The following CCPG1 variants were observed in gnomAD, a reference collection of about 807,000 sequenced individuals.
CCPG1 encodes the protein cell cycle progression 1, also known as cell cycle progression protein 1.
Under a neutral mutation model 81.3 loss-of-function variants are expected in CCPG1, and 46 were observed. The observed-to-expected ratio is 0.57, with a 90% CI of 0.45 to 0.72. The LOEUF is 0.72. Among genes scored for constraint, CCPG1 ranks in the 30% least tolerant of loss-of-function variants. The pLI, the probability that CCPG1 is intolerant of heterozygous loss-of-function variation, is 0.00. For synonymous variants in CCPG1, 330 were observed against 305.2 expected (o/e 1.08, Z -0.85); for missense variants, 902 against 937.6 (o/e 0.96, Z 0.50).
Position 55,400,452 on chromosome 15 carries a change from G to A in CCPG1, c.-10+7769C>T, listed in dbSNP as rs1335044087. Among the ~76,000 whole-genome samples, 3 of 150,986 alleles carry A rather than the reference G, an allele frequency of 2.0e-5. No homozygotes were observed. The East Asian group carries it at 5.9e-4, about 30-fold the overall frequency. ...GAGCCCAGGAGGTGGGGGTTGCAGT[G>A]AGCCGAGATCACACCACTGCACTAA... is the stretch of plus-strand genomic sequence containing the variant. On this transcript the variant is annotated intron_variant, in intron 1 of 8. Coordinates refer to ENST00000442196, the MANE Select transcript of CCPG1 (RefSeq NM_001204450.2).
intron 6 of CCPG1, among the ~76,000 whole-genome samples, chr15:55,369,198 G>T (rs2056396187): frequency 6.6e-6 from 1 of 151,948 alleles, no homozygotes; most frequent in African/African-American, 2.4e-5. Flanking sequence ...AAACGGCTCT[G>T]AAATCAACTC....
intron 3 of CCPG1, among the ~76,000 whole-genome samples, chr15:55,379,161 C>CGTGT (rs57640801): frequency 0.038 from 5,101 of 134,704 alleles, 135 homozygotes; most frequent in East Asian, 0.059. Flanking sequence ...TGTATATGTA[C>CGTGT]GTGTGTGTGT....
chr15:55,362,449 T>C (rs2141246828), intron 7 of CCPG1, among the ~76,000 whole-genome samples: 1 of 152,130 alleles, frequency 6.6e-6, no homozygotes, highest in Non-Finnish European at 1.5e-5. Flanking sequence ...AGAGAACAAA[T>C]AAAGATTTAA....
intron 1 of CCPG1, among the ~76,000 whole-genome samples, chr15:55,404,735 G>C (rs1005879376): frequency 3.9e-5 from 6 of 152,072 alleles, no homozygotes; most frequent in African/African-American, 1.4e-4. Flanking sequence ...AGTTCAAAGA[G>C]ACCAGCCTGG....
chr15:55,359,366 C>T, intron 8 of CCPG1, 173 bp downstream of exon 8: 5 of 1,376,960 alleles, frequency 3.6e-6, no homozygotes, highest in Non-Finnish European at 4.7e-6. Flanking sequence ...CCATTTGTAA[C>T]AGCTAATAAT....
rs80211831 is a variant in CCPG1 at position 55,401,897 on chromosome 15, C to T, written c.-10+6324G>A. Among the ~76,000 whole-genome samples, 780 of 152,282 alleles carry T rather than the reference C, an allele frequency of 5.1e-3. 11 individuals are homozygous for T. The highest frequency in any genetic ancestry group is 0.018 in the African/African-American group (748 of 41,560). ...TGCAACTAATCTGATTAGCTTTCCT[C>T]GTCATATGGCTGAAGTAATTTAATT... On this transcript the variant is annotated intron_variant, in intron 1 of 8. Coordinates refer to ENST00000442196, the MANE Select transcript of CCPG1 (RefSeq NM_001204450.2).
At chr15:55,401,768 CCACT>C (rs1160111085) in intron 1 of CCPG1, among the ~76,000 whole-genome samples, 1 of 152,028 alleles carries the variant, frequency 6.6e-6, no homozygotes, top group Non-Finnish European at 1.5e-5. Flanking sequence ...ATTTTTCTTC[CCACT>C]CAGAGTCTGC....
At chr15:55,405,562 G>A (rs1297850400) in intron 1 of CCPG1, among the ~76,000 whole-genome samples, 1 of 152,064 alleles carries the variant, frequency 6.6e-6, no homozygotes, top group African/African-American at 2.4e-5. Context: ...GTAATAGCCA[G>A]GCCTAGGCCT....
chr15:55,365,413 TTTTTTG>T, intron 6 of CCPG1, 104 bp from the exon 7 acceptor site: 13 of 685,316 alleles, frequency 1.9e-5, no homozygotes, highest in Admixed American at 3.4e-5. Flanking sequence ...ATGTAGTCTT[TTTTTTG>T]TTTTTTTTTT....
intron 5 of CCPG1, chr15:55,373,082 A>G (rs2056488572): frequency 2.0e-6 from 1 of 511,444 alleles, no homozygotes; most frequent in African/African-American, 2.0e-5. Flanking sequence ...TGAAAATAAT[A>G]GTAGAGAAAA....
intron 1 of CCPG1, among the ~76,000 whole-genome samples, chr15:55,407,556 C>A (rs770028798): frequency 2.4e-4 from 37 of 152,164 alleles, no homozygotes; most frequent in Admixed American, 7.9e-4. Context: ...CAATAAAATA[C>A]CTTACTTGGC....
intron 3 of CCPG1, among the ~76,000 whole-genome samples, chr15:55,382,753 C>T (rs1415707092): frequency 1.3e-5 from 2 of 152,146 alleles, no homozygotes; most frequent in Non-Finnish European, 2.9e-5. Flanking sequence ...TCATGATCCG[C>T]CCACCTCAGC....
At chr15:55,392,911 T>C (rs936601392) in intron 1 of CCPG1, among the ~76,000 whole-genome samples, 1 of 152,086 alleles carries the variant, frequency 6.6e-6, no homozygotes, top group Non-Finnish European at 1.5e-5. Context: ...AACACCAGCC[T>C]GGCAAAGATG....
At chr15:55,398,634 A>G (rs112745993) in intron 1 of CCPG1, among the ~76,000 whole-genome samples, 3 of 151,286 alleles carry the variant, frequency 2.0e-5, no homozygotes, top group African/African-American at 7.3e-5. Context: ...CAGGCTGGAG[A>G]GCAGTGGCGC....
intron 8 of CCPG1, chr15:55,356,894 C>G: frequency 1.0e-6 from 1 of 985,794 alleles, no homozygotes. Context: ...GAAGTCCATA[C>G]TGTCATCCCC....
At chr15:55,383,272 G>A (rs2056737541) in intron 3 of CCPG1, among the ~76,000 whole-genome samples, 2 of 152,298 alleles carry the variant, frequency 1.3e-5, no homozygotes, top group South Asian at 2.1e-4. Context: ...TTTGTTCTGA[G>A]CAGCAGGTCT....
chr15:55,355,362 G>A lies in CCPG1; in HGVS notation c.*858C>T, dbSNP rs779483306. The A allele has an allele frequency of 6.8e-6, 11 of 1,610,548 alleles. No homozygotes were observed. Among genetic ancestry groups the A allele is most frequent in the African/African-American group, 6.7e-5 (5 of 74,802 alleles). ...TTCCACACTCACTTGCCAGAGGGTCGAATTGGAAGTCACATATATGTCTAT... is the reference window on the plus strand; with the variant it reads ...TTCCACACTCACTTGCCAGAGGGTCAAATTGGAAGTCACATATATGTCTAT... On this transcript the variant is annotated 3_prime_UTR_variant, in exon 9 of 9. Transcript: ENST00000442196.
intron 4 of CCPG1, among the ~76,000 whole-genome samples, chr15:55,377,547 A>G (rs1198411656): frequency 1.3e-5 from 2 of 152,218 alleles, no homozygotes; most frequent in Non-Finnish European, 2.9e-5. Flanking sequence ...AAACTTCAAC[A>G]GCTGTATCTT....
chr15:55,372,616 G>A (rs2056475831), intron 5 of CCPG1: 1 of 209,970 alleles, frequency 4.8e-6, no homozygotes, highest in South Asian at 7.3e-5. Flanking sequence ...CTGAGATCCT[G>A]CCACTATACT....
Sources: allele counts gnomAD v4.1 joint callset (sites outside exome capture counted in the v4.1 genomes callset), GRCh38; gene constraint gnomAD v4.1.1; transcripts MANE v1.5; gene names NCBI Gene and HGNC (gene_info 2026-07-23, HGNC 2026-07-21).